The following GCN1 variants were observed in gnomAD, a reference collection of about 807,000 sequenced individuals.
GCN1 encodes the protein stalled ribosome sensor GCN1.
Under a neutral mutation model 288.4 loss-of-function variants are expected in GCN1, and 90 were observed. The ratio of observed to expected loss-of-function variants is 0.31; its 90% CI spans 0.26 to 0.37. The LOEUF is 0.37. Among genes scored for constraint, GCN1 ranks in the 10% least tolerant of loss-of-function variants. The pLI, the probability that GCN1 is intolerant of heterozygous loss-of-function variation, is 1.00. For missense variants in GCN1, 2,586 were observed against 3,419.9 expected (o/e 0.76, Z 6.08); for synonymous variants, 1,386 against 1,420.2 (o/e 0.98, Z 0.54).
chr12:120,165,184 C>T (rs936581282), intron 16 of GCN1, among the ~76,000 whole-genome samples: 5 of 150,674 alleles, frequency 3.3e-5, no homozygotes, highest in South Asian at 2.1e-4. Context: ...GTAGCTGGGA[C>T]GACAGGCACC....
chr12:120,133,985 G>C (rs551675324), intron 53 of GCN1, among the ~76,000 whole-genome samples: 6 of 152,280 alleles, frequency 3.9e-5, no homozygotes, highest in African/African-American at 1.4e-4. Flanking sequence ...CAGGAGAATC[G>C]CTTGATAGGA....
chr12:120,169,276 CAAAAAAAAAAAAAAA>C (rs35819206), intron 15 of GCN1, among the ~76,000 whole-genome samples: 3 of 66,674 alleles, frequency 4.5e-5, no homozygotes, highest in African/African-American at 1.3e-4. Context: ...AACTCCGTCT[CAAAAAAAAAAAAAAA>C]AAAAGAAAAA....
chr12:120,181,696 G>A (rs1000165176), intron 5 of GCN1, among the ~76,000 whole-genome samples: 2 of 151,066 alleles, frequency 1.3e-5, no homozygotes, highest in South Asian at 2.1e-4. Context: ...AAAACTAGTC[G>A]GGCATGGTGG....
chr12:120,130,728 C>T lies in GCN1; in HGVS notation c.7589G>A (p.Arg2530Gln), dbSNP rs145712872. The T allele has an allele frequency of 9.9e-5, 160 of 1,613,590 alleles. No homozygotes were observed. The East Asian group carries it at 2.8e-3, about 28-fold the overall frequency. ...DRIPIAVSGV[R>Q]GMGFLMRHHI... Reference sequence around the variant, plus strand: ...GTGTCTCATGAGAAAGCCCATGCCCCGGACCCCGCTCACCGCAATGGGGAT... The same window carrying T: ...GTGTCTCATGAGAAAGCCCATGCCCTGGACCCCGCTCACCGCAATGGGGAT... The change falls in exon 56 of 58, where the codon CGG becomes CAG. Residue 2530 changes from arginine (R) to glutamine (Q), a missense_variant. This residue lies in a region of GCN1 where 355 missense variants were observed against 431.1 expected (regional missense o/e 0.82). Transcript: ENST00000300648.
chr12:120,149,507 G>A (rs1877470362), intron 36 of GCN1, 99 bp downstream of exon 36: 1 of 804,644 alleles, frequency 1.2e-6, no homozygotes, highest in South Asian at 1.5e-5. Context: ...CCCTGGTCTG[G>A]GGAGCTCACA....
At position 120,141,016 on chromosome 12, in the gene GCN1, G is replaced by A. The variant is rs1462758856; in HGVS notation, c.5837C>T (p.Ala1946Val). The change falls in exon 45 of 58, where the codon GCG (alanine) becomes GTG (valine). Residue 1946 changes from alanine to valine, a missense_variant. By Grantham distance (64) the Ala-to-Val change is moderately conservative. This residue lies in a region of GCN1 where 437 missense variants were observed against 570.5 expected (regional missense o/e 0.77). Transcript: ENST00000300648. ...CCGCACAAGATCTCCCAATGTTCTC[G>A]CTGCAATCTGTCAACAGAGACCAAT... ...STCADKRTIAARTLGDLVRKL... is the reference protein window; with the variant it reads ...STCADKRTIAVRTLGDLVRKL... 9 of 1,612,332 alleles carry A rather than the reference G, an allele frequency of 5.6e-6. No homozygotes were observed. Among genetic ancestry groups the A allele is most frequent in the Admixed American group, 3.3e-5 (2 of 59,932 alleles).
chr12:120,168,898 T>C (rs1878218459), intron 15 of GCN1, among the ~76,000 whole-genome samples: 2 of 152,328 alleles, frequency 1.3e-5, no homozygotes, highest in South Asian at 4.1e-4. Flanking sequence ...GTGCCTTGCA[T>C]GGCCACAGTG....
rs1269701475 is a variant in GCN1, at chr12:120,158,026, A to G, written c.2910T>C (p.Ala970=). The G allele has an allele frequency of 3.1e-6, 5 of 1,613,522 alleles. No individual in the cohort carries two copies. The highest frequency in any genetic ancestry group is 1.1e-5 in the South Asian group (1 of 91,088). The change falls in exon 26 of 58, where the codon GCT becomes GCC. Residue 970 remains alanine, a synonymous_variant. Coordinates refer to ENST00000300648, the MANE Select transcript of GCN1 (RefSeq NM_006836.2). The surrounding 1 kb of genome is among the most constrained non-coding windows in gnomAD (Gnocchi z 4.3). ...TSRVGKGEPG[A]APLSAPAFSL... ...AGAAGGCTGGCGCGGACAAGGGCGC[A>G]GCACCTGTGAGAGCGAGAAGCAGAT... is the stretch of plus-strand genomic sequence containing the variant.
chr12:120,155,315 C>A lies in GCN1; in HGVS notation c.3556G>T (p.Ala1186Ser). 1.2e-6 allele frequency: 2 copies of A among 1,614,234 alleles called. No homozygotes were observed. Among genetic ancestry groups the A allele is most frequent in the Non-Finnish European group, 1.7e-6 (2 of 1,180,046 alleles). The part of the protein sequence containing the change: ...RQAGAEALSQ[A>S]VARYQRQAAE... ...GCCTGCCGCTGGTAACGTGCCACTG[C>A]TTGGGAGAGGGCTTCGGCCCCTGCC... The change falls in exon 30 of 58, where the codon GCA becomes TCA. Residue 1186 changes from alanine (A) to serine (S), a missense_variant. Transcript: ENST00000300648. The surrounding 1 kb of genome is among the most constrained non-coding windows in gnomAD (Gnocchi z 4.9).
rs1328004276 is a variant in GCN1, at chr12:120,157,960, C to T, written c.2976G>A (p.Met992Ile). Reference protein sequence around the residue: ...FPFLKMVLTEMPHHSEEEEEW... With the variant: ...FPFLKMVLTEIPHHSEEEEEW... ...CCTCCTCCTCCTCACTGTGGTGGGGCATCTCCGTCAGCACCATCTTCAGAA... is the reference window on the plus strand; with the variant it reads ...CCTCCTCCTCCTCACTGTGGTGGGGTATCTCCGTCAGCACCATCTTCAGAA... Residue 992 changes from methionine (M) to isoleucine (I), a missense_variant, in exon 26 of 58, where the codon ATG (methionine) becomes ATA (isoleucine). Transcript: ENST00000300648. The T allele has an allele frequency of 2.5e-6, 4 of 1,613,826 alleles. No individual in the cohort carries two copies. The highest frequency in any genetic ancestry group is 3.4e-6 in the Non-Finnish European group (4 of 1,179,932).
intron 14 of GCN1, among the ~76,000 whole-genome samples, chr12:120,172,498 G>A (rs1284201670): frequency 6.6e-6 from 1 of 152,088 alleles, no homozygotes; most frequent in Non-Finnish European, 1.5e-5. Context: ...GGAGGCCCTG[G>A]AATCTCCTAG....
intron 57 of GCN1, among the ~76,000 whole-genome samples, chr12:120,128,406 G>C (rs541338379): frequency 5.7e-4 from 87 of 151,888 alleles, no homozygotes; most frequent in African/African-American, 2.1e-3. Flanking sequence ...CACGATCTCA[G>C]CTCAACACAA....
At chr12:120,131,804 C>G (rs923304502) in intron 54 of GCN1, 122 bp downstream of exon 54, 15 of 674,656 alleles carry the variant, frequency 2.2e-5, no homozygotes, top group Middle Eastern at 3.1e-4. Context: ...CTGCTGGATT[C>G]CCAAGGAAAG....
rs1468529844 is a variant in GCN1, at chr12:120,173,700, G to A, written c.1319C>T (p.Ser440Phe). 1 of 1,612,884 alleles carries A rather than the reference G, an allele frequency of 6.2e-7. No individual in the cohort carries two copies. Among genetic ancestry groups the A allele is most frequent in the Non-Finnish European group, 8.5e-7 (1 of 1,178,790 alleles). Residue 440 changes from serine (S) to phenylalanine (F), a missense_variant, in exon 14 of 58, where the codon TCT becomes TTT. Physicochemically the swap from Ser to Phe is radical, Grantham distance 155. Around this residue, in one of 8 missense-constraint regions of GCN1, gnomAD observed 913 missense variants for 1,107.0 expected, o/e 0.82. Coordinates refer to ENST00000300648, the MANE Select transcript of GCN1 (RefSeq NM_006836.2). The stretch of plus-strand genomic sequence containing the variant: ...CTGCAGGTAGGCATGCCTCACCGCA[G>A]ATGTGGAGGTTTTAAGGCTGAAAGC... ...KKAFSLKTST[S>F]AVRHAYLQCM...
intron 23 of GCN1, 34 bp downstream of exon 23, chr12:120,160,108 C>T (rs780895320): frequency 1.3e-6 from 2 of 1,594,658 alleles, no homozygotes; most frequent in Admixed American, 1.7e-5. Flanking sequence ...CAGCACTCTT[C>T]CGGCTTGAGC....
rs1878037446 is a variant in GCN1, at chr12:120,164,498, G to A, written c.1689-3C>T. 1.2e-6 allele frequency: 2 copies of A among 1,613,482 alleles called. No individual in the cohort carries two copies. The highest frequency in any genetic ancestry group is 8.5e-7 in the Non-Finnish European group (1 of 1,179,690). On this transcript the variant is annotated splice_polypyrimidine_tract_variant and splice_region_variant and intron_variant, in intron 17 of 57. Transcript: ENST00000300648. Reference sequence around the variant, plus strand: ...CCACCAGAGCCCGGTGGTACTGCCTGCAAGCACAGGGACAGACAGGTCTGG... The same window carrying A: ...CCACCAGAGCCCGGTGGTACTGCCTACAAGCACAGGGACAGACAGGTCTGG...
Position 120,137,866 on chromosome 12 carries a change from G to C in GCN1, c.6393+35C>G. The C allele has an allele frequency of 6.2e-7, 1 of 1,613,228 alleles. No homozygotes were observed. Among genetic ancestry groups the C allele is most frequent in the South Asian group, 1.1e-5 (1 of 91,066 alleles). On this transcript the variant is annotated intron_variant, in intron 48 of 57. Transcript: ENST00000300648. The surrounding 1 kb of genome is among the most constrained non-coding windows in gnomAD (Gnocchi z 5.2). ...TGAGCAGGGATCCTCCGGGCAGACG[G>C]GACATGAGAAAGCAGGAGCAGGCTC... is the stretch of plus-strand genomic sequence containing the variant.
In GCN1 at chr12:120,138,235, A is replaced by G. The variant is rs1001519962; in HGVS notation, c.6249+88T>C. On this transcript the variant is annotated intron_variant, in intron 47 of 57. Coordinates refer to ENST00000300648, the MANE Select transcript of GCN1 (RefSeq NM_006836.2). ...CACCCTCCTCCCCCAGCCCTCCAAC[A>G]TCTACGTTCAGAACTGGTCTTCACT... 5.1e-6 allele frequency: 5 copies of G among 984,156 alleles called. No homozygotes were observed. The African/African-American group carries it at 7.9e-5, about 16-fold the overall frequency. The allele number at this position is 984,156 out of a possible 1,614,324, so 61.0% of individuals were successfully genotyped here. A position where few individuals can be genotyped will look rare whatever the true frequency, so the allele number is the denominator to read the frequency against.
Position 120,161,970 on chromosome 12 carries a change from T to C in GCN1, c.2252A>G (p.Gln751Arg). The C allele has an allele frequency of 6.2e-7, 1 of 1,614,106 alleles. No homozygotes were observed. Among genetic ancestry groups the C allele is most frequent in the South Asian group, 1.1e-5 (1 of 91,078 alleles). ...QLISTITASVQNPALRLVTRE... is the reference protein window; with the variant it reads ...QLISTITASVRNPALRLVTRE... ...CGTCACCAGGCGCAGTGCAGGGTTC[T>C]GCACGGAGGCAGTGATGGTGCTGAT... is the stretch of plus-strand genomic sequence containing the variant. Residue 751 changes from glutamine to arginine, a missense_variant, in exon 21 of 58, where the codon CAG becomes CGG. Transcript: ENST00000300648.
Sources: allele counts gnomAD v4.1 joint callset (sites outside exome capture counted in the v4.1 genomes callset), GRCh38; gene constraint gnomAD v4.1.1; regional missense constraint gnomAD v4.1.1; non-coding constraint Gnocchi (gnomAD v3.1); transcripts MANE v1.5; gene names NCBI Gene and HGNC (gene_info 2026-07-23, HGNC 2026-07-21).